Variants in CCDC88B observed in about 807,000 individuals in gnomAD.
CCDC88B encodes coiled-coil and HOOK domain protein 88B.
A neutral mutation model predicts 183.7 loss-of-function variants in CCDC88B; 138 were observed. The observed-to-expected ratio is 0.75, with a 90% CI of 0.65 to 0.87. CCDC88B has a LOEUF of 0.87. CCDC88B is among the 40% of genes least tolerant of loss of function. CCDC88B has a pLI of 0.00. For missense variants in CCDC88B, 1,822 were observed against 1,965.6 expected (o/e 0.93, Z 1.38); for synonymous variants, 835 against 867.5 (o/e 0.96, Z 0.66).
chr11:64,342,222 G>T, intron 8 of CCDC88B, 72 bp from the exon 9 acceptor site: 1 of 1,579,854 alleles, frequency 6.3e-7, no homozygotes, highest in Non-Finnish European at 8.6e-7. Flanking sequence ...GGTGGCTACG[G>T]GAGGGGTCAG....
At position 64,352,138 on chromosome 11, in the gene CCDC88B, G is replaced by A; in HGVS notation, c.3108G>A (p.Lys1036=). The change falls in exon 19 of 27, where the codon AAG becomes AAA. Residue 1036 remains lysine (K), a synonymous_variant. Transcript: ENST00000356786. The part of the protein sequence containing the change: ...QEHSSRLQAE[K]SVLEIQGQEL... ...TCCCTCCTCCATCCTAGGCCGAGAAGTCTGTGCTGGAGATTCAGGGCCAGG... is the reference window on the plus strand; with the variant it reads ...TCCCTCCTCCATCCTAGGCCGAGAAATCTGTGCTGGAGATTCAGGGCCAGG... The A allele has an allele frequency of 1.3e-6, 2 of 1,571,272 alleles. No homozygotes were observed. The highest frequency in any genetic ancestry group is 8.7e-7 in the Non-Finnish European group (1 of 1,153,598).
chr11:64,353,647 C>G, intron 22 of CCDC88B, 68 bp from the exon 23 acceptor site: 1 of 1,594,398 alleles, frequency 6.3e-7, no homozygotes, highest in South Asian at 1.1e-5. Flanking sequence ...CTCGCTGCAG[C>G]TTGTGCCTTG....
intron 24 of CCDC88B, 120 bp downstream of exon 24, chr11:64,354,290 G>GC (rs897940329): frequency 8.8e-5 from 69 of 781,638 alleles, no homozygotes; most frequent in Non-Finnish European, 1.1e-4. Context: ...CCTGAGGCCT[G>GC]CCCCCCCTGC....
intron 14 of CCDC88B, among the ~76,000 whole-genome samples, chr11:64,346,003 AAAAC>A (rs1169787694): frequency 2.0e-5 from 3 of 152,332 alleles, no homozygotes; most frequent in South Asian, 4.1e-4. Flanking sequence ...AGACTGTCTC[AAAAC>A]AAACAAACAC....
In CCDC88B at chr11:64,344,755, G is replaced by A; in HGVS notation, c.2214G>A (p.Arg738=). The A allele has an allele frequency of 1.2e-6, 2 of 1,614,024 alleles. No homozygotes were observed. ...TCAGGGAGGAGGTGGCACAGTTGAG[G>A]AGAAAGGCTGAGGCCCTTGGAGATG... ...EALREEVAQL[R]RKAEALGDEL... Residue 738 remains arginine, a synonymous_variant, in exon 14 of 27, where the codon AGG becomes AGA. Coordinates refer to ENST00000356786, the MANE Select transcript of CCDC88B (RefSeq NM_032251.6). This position sits in a 1 kb window ranked among gnomAD's most constrained non-coding sequence, Gnocchi z 4.5.
Position 64,351,530 on chromosome 11 carries a change from G to A in CCDC88B, c.3013G>A (p.Glu1005Lys). Residue 1005 changes from glutamate (E) to lysine (K), a missense_variant, in exon 18 of 27, where the codon GAG (glutamate) becomes AAG (lysine). Transcript: ENST00000356786. ...AALQGQLQHL[E>K]GQLGSLQGRA... ...TTTGCAGGGGCAGCTGCAGCACCTGGAGGGGCAGCTGGGGAGCCTGCAGGG... is the reference window on the plus strand; with the variant it reads ...TTTGCAGGGGCAGCTGCAGCACCTGAAGGGGCAGCTGGGGAGCCTGCAGGG... 1 of 1,577,434 alleles carries A rather than the reference G, an allele frequency of 6.3e-7. No individual in the cohort carries two copies. The highest frequency in any genetic ancestry group is 8.5e-7 in the Non-Finnish European group (1 of 1,169,638).
At position 64,342,621 on chromosome 11, in the gene CCDC88B, G is replaced by C. The variant is rs559011810; in HGVS notation, c.1003G>C (p.Glu335Gln). Residue 335 changes from glutamate to glutamine, a missense_variant, in exon 10 of 27, where the codon GAG (glutamate) becomes CAG (glutamine). Glu to Gln is a conservative substitution (Grantham distance 29). Transcript: ENST00000356786. ...CGGCCGCCTGCCCCGCCTGCAGGAGGAGCTGAGGCGCTGCCGCGAGCGGCT... is the reference window on the plus strand; with the variant it reads ...CGGCCGCCTGCCCCGCCTGCAGGAGCAGCTGAGGCGCTGCCGCGAGCGGCT... ...RAGRLPRLQEELRRCRERLQA... is the reference protein window; with the variant it reads ...RAGRLPRLQEQLRRCRERLQA... The C allele has an allele frequency of 6.5e-7, 1 of 1,528,882 alleles. No homozygotes were observed. 94.7% of individuals were successfully genotyped at this position (1,528,882 alleles called of 1,614,324 possible). A position where few individuals can be genotyped will look rare whatever the true frequency, so the allele number is the denominator to read the frequency against.
Position 64,341,318 on chromosome 11 carries a change from C to G in CCDC88B, c.437C>G (p.Ala146Gly), listed in dbSNP as rs746169612. ...GGCGTTCTTCGGCTACTGTTGGGAG[C>G]GTCAGTACAGGTGAGCCGGCGGTGG... ...LEGVLRLLLG[A>G]SVQCEHRELF... The change falls in exon 5 of 27, where the codon GCG becomes GGG. Residue 146 changes from alanine (A) to glycine (G), a missense_variant. Physicochemically the swap from Ala to Gly is moderately conservative, Grantham distance 60. Coordinates refer to ENST00000356786, the MANE Select transcript of CCDC88B (RefSeq NM_032251.6). 6.2e-7 allele frequency: 1 copy of G among 1,614,044 alleles called. No homozygotes were observed. Among genetic ancestry groups the G allele is most frequent in the South Asian group, 1.1e-5 (1 of 91,074 alleles).
rs759732602 is a variant in CCDC88B, at chr11:64,353,412, A to C, written c.3749A>C (p.Gln1250Pro). 6.2e-7 allele frequency: 1 copy of C among 1,613,446 alleles called. No individual in the cohort carries two copies. The highest frequency in any genetic ancestry group is 1.7e-5 in the Admixed American group (1 of 60,010). ...AACCGGCAGCTGCTGGCTGAAGTTC[A>C]GGCCCTGAGCCGGGAGAACAGGGAG... ...EENRQLLAEV[Q>P]ALSRENRELL... is the part of the protein sequence containing the mutation. Residue 1250 changes from glutamine to proline, a missense_variant, in exon 22 of 27, where the codon CAG (glutamine) becomes CCG (proline). Physicochemically the swap from Gln to Pro is moderately conservative, Grantham distance 76. Coordinates refer to ENST00000356786, the MANE Select transcript of CCDC88B (RefSeq NM_032251.6).
In CCDC88B at chr11:64,355,368, GC is replaced by G. The variant is rs755009473; in HGVS notation, c.4279del (p.Leu1427TrpfsTer182). On this transcript the variant is annotated frameshift_variant, in exon 25 of 27. Transcript: ENST00000356786. LOFTEE classifies it high-confidence loss of function. ...CAACGATTCCGACAGCGCCATCCAG[GC>G]CCCCTGGGGGCGCCCGTCTCCCACA... is the stretch of plus-strand genomic sequence containing the variant. ...PRQRFRQRHP[G>X]PLGAPVSHSK... The G allele has an allele frequency of 1.9e-6, 3 of 1,590,538 alleles. No individual in the cohort carries two copies. The highest frequency in any genetic ancestry group is 2.6e-6 in the Non-Finnish European group (3 of 1,169,074).
At chr11:64,351,401 G>A in intron 17 of CCDC88B, 75 bp from the exon 18 acceptor site, 1 of 1,541,402 alleles carries the variant, frequency 6.5e-7, no homozygotes. Flanking sequence ...CCCATGCAGT[G>A]TGAGTGTGGG....
chr11:64,353,590 G>A, intron 22 of CCDC88B, 94 bp downstream of exon 22: 1 of 1,575,660 alleles, frequency 6.3e-7, no homozygotes, highest in Non-Finnish European at 8.6e-7. Context: ...CAGGGTTGGA[G>A]CTGACCTTCC....
Position 64,353,414 on chromosome 11 carries a change from G to A in CCDC88B, c.3751G>A (p.Ala1251Thr), listed in dbSNP as rs889619559. 10 of 1,613,302 alleles carry A rather than the reference G, an allele frequency of 6.2e-6. No individual in the cohort carries two copies. Among genetic ancestry groups the A allele is most frequent in the Middle Eastern group, 1.7e-4 (1 of 5,906 alleles). ...CCGGCAGCTGCTGGCTGAAGTTCAG[G>A]CCCTGAGCCGGGAGAACAGGGAGCT... ...ENRQLLAEVQ[A>T]LSRENRELLE... Residue 1251 changes from alanine to threonine, a missense_variant, in exon 22 of 27, where the codon GCC becomes ACC. Transcript: ENST00000356786.
intron 7 of CCDC88B, 28 bp from the exon 8 acceptor site, chr11:64,341,966 G>A (rs1591275325): frequency 6.2e-7 from 1 of 1,611,846 alleles, no homozygotes; most frequent in East Asian, 2.2e-5. Flanking sequence ...GGATAAGTTA[G>A]TCCTGACCCT....
chr11:64,342,340 G>A lies in CCDC88B; in HGVS notation c.868G>A (p.Gly290Ser). Reference sequence around the variant, plus strand: ...GCTAGACTCCCAGGCCGAGGTGCAGGGTTTGGAGGCCGAAATAAGAAGGCT... The same window carrying A: ...GCTAGACTCCCAGGCCGAGGTGCAGAGTTTGGAGGCCGAAATAAGAAGGCT... ...LLLDSQAEVQ[G>S]LEAEIRRLRQ... Residue 290 changes from glycine (G) to serine (S), a missense_variant, in exon 9 of 27, where the codon GGT becomes AGT. By Grantham distance (56) the Gly-to-Ser change is moderately conservative. Transcript: ENST00000356786. The A allele has an allele frequency of 6.3e-7, 1 of 1,594,942 alleles. No homozygotes were observed. Among genetic ancestry groups the A allele is most frequent in the African/African-American group, 1.3e-5 (1 of 74,806 alleles).
At chr11:64,349,940 C>T in intron 16 of CCDC88B, 2 of 514,682 alleles carry the variant, frequency 3.9e-6, no homozygotes, top group South Asian at 4.9e-5. Context: ...AGGTCCTCCA[C>T]TGCCTAGGGA....
chr11:64,345,037 GT>G lies in CCDC88B; in HGVS notation c.2497del (p.Ser833ProfsTer106). Reference protein sequence around the residue: ...RERRQWEREGSRLRAQSEAAE... With the variant: ...RERRQWEREGXRLRAQSEAAE... The stretch of plus-strand genomic sequence containing the variant: ...AGCGGAGGCAGTGGGAGCGTGAGGG[GT>G]CCAGGCTGCGGGCCCAGTCGGAGGC... On this transcript the variant is annotated frameshift_variant, in exon 14 of 27. Transcript: ENST00000356786. LOFTEE classifies it high-confidence loss of function. The G allele has an allele frequency of 1.3e-6, 2 of 1,548,782 alleles. No homozygotes were observed. Among genetic ancestry groups the G allele is most frequent in the Non-Finnish European group, 1.7e-6 (2 of 1,149,224 alleles).
At chr11:64,341,966 G>T in intron 7 of CCDC88B, 28 bp from the exon 8 acceptor site, 1 of 1,611,844 alleles carries the variant, frequency 6.2e-7, no homozygotes, top group African/African-American at 1.3e-5. Flanking sequence ...GGATAAGTTA[G>T]TCCTGACCCT....
chr11:64,341,402 C>G lies in CCDC88B; in HGVS notation c.448-19C>G, dbSNP rs1443916098. The G allele has an allele frequency of 6.2e-7, 1 of 1,613,854 alleles. No individual in the cohort carries two copies. The highest frequency in any genetic ancestry group is 8.5e-7 in the Non-Finnish European group (1 of 1,179,978). On this transcript the variant is annotated intron_variant, in intron 5 of 26. Transcript: ENST00000356786. ...AGGAGGGAGATCCTGCACCAGCTCC[C>G]CTTCCTGTCTCCCCTCAGTGTGAGC...
Sources: gnomAD v4.1 joint callset for allele counts (sites outside exome capture counted in the v4.1 genomes callset) on GRCh38, gnomAD v4.1.1 for gene constraint, Gnocchi (gnomAD v3.1) non-coding constraint, MANE v1.5 for transcripts, NCBI Gene and HGNC (gene_info 2026-07-23, HGNC 2026-07-21) for gene names.